The following GPR39 variants were observed in gnomAD, a reference collection of about 807,000 sequenced individuals.
GPR39 encodes the protein zinc sensing receptor.
Under a neutral mutation model 18.4 loss-of-function variants are expected in GPR39, and 23 were observed. The observed-to-expected ratio is 1.25, with a 90% CI of 0.90 to 1.77. The LOEUF (loss-of-function observed/expected upper bound fraction) is 1.77. Ranked by LOEUF, GPR39 falls within the 40% of genes most tolerant of loss-of-function variation. The probability of loss-of-function intolerance (pLI) is 0.00; values close to 1 mark genes in which losing one functional copy is unlikely to be tolerated. For synonymous variants in GPR39, 280 were observed against 257.9 expected (o/e 1.09, Z -0.82); for missense variants, 647 against 602.4 (o/e 1.07, Z -0.78).
In GPR39 at chr2:132,419,363, A is replaced by G. The variant is rs1679966731; in HGVS notation, c.856+1465A>G. 2.0e-5 allele frequency among the ~76,000 whole-genome samples: 3 copies of G among 152,256 alleles called. No individual in the cohort carries two copies. In the South Asian group the frequency reaches 6.2e-4, roughly 31 times the overall value. ...AGAATCACCTCAGTGCAGCTCAAAG[A>G]GTCCCACTGTGCTTTTCAGGGCAGA... On this transcript the variant is annotated intron_variant, in intron 1 of 1. Transcript: ENST00000329321.
At chr2:132,530,370 T>C (rs542123195) in intron 1 of GPR39, among the ~76,000 whole-genome samples, 1 of 152,298 alleles carries the variant, frequency 6.6e-6, no homozygotes, top group African/African-American at 2.4e-5. Context: ...AGACTAAATC[T>C]ACATCAGATT....
At chr2:132,468,973 G>T (rs2104781766) in intron 1 of GPR39, among the ~76,000 whole-genome samples, 1 of 152,288 alleles carries the variant, frequency 6.6e-6, no homozygotes, top group Admixed American at 6.5e-5. Flanking sequence ...AGAGAATGTT[G>T]CCCTTGAGAT....
chr2:132,630,077 C>G (rs910574516), intron 1 of GPR39, among the ~76,000 whole-genome samples: 9 of 152,100 alleles, frequency 5.9e-5, no homozygotes, highest in African/African-American at 1.7e-4. Flanking sequence ...CTACCATGAA[C>G]CAGACACTAT....
At chr2:132,494,741 CT>C (rs77379392) in intron 1 of GPR39, among the ~76,000 whole-genome samples, 18 of 152,218 alleles carry the variant, frequency 1.2e-4, no homozygotes, top group African/African-American at 4.1e-4. Flanking sequence ...TAACTTTGAG[CT>C]TTTTTTATCC....
intron 1 of GPR39, among the ~76,000 whole-genome samples, chr2:132,606,520 T>G (rs1681140321): frequency 6.6e-6 from 1 of 152,234 alleles, no homozygotes; most frequent in Admixed American, 6.5e-5. Context: ...GTAGCCCTTC[T>G]GGGCTCCAAC....
chr2:132,587,740 G>T (rs781074653), intron 1 of GPR39, among the ~76,000 whole-genome samples: 7 of 152,040 alleles, frequency 4.6e-5, no homozygotes, highest in Non-Finnish European at 7.4e-5. Context: ...TCGCCATGTT[G>T]GCCAGGCTGG....
chr2:132,551,587 C>T (rs375121079), intron 1 of GPR39, among the ~76,000 whole-genome samples: 84 of 152,306 alleles, frequency 5.5e-4, no homozygotes, highest in African/African-American at 1.9e-3. Context: ...ATTCTGTCAT[C>T]TCTTTATACC....
chr2:132,527,251 C>G (rs1412262785), intron 1 of GPR39, among the ~76,000 whole-genome samples: 2 of 152,144 alleles, frequency 1.3e-5, no homozygotes, highest in African/African-American at 2.4e-5. Context: ...TCATCCATGT[C>G]CCTGCAAAGG....
At position 132,483,933 on chromosome 2, in the gene GPR39, G is replaced by T. The variant is rs141155796; in HGVS notation, c.856+66035G>T. 5.5e-4 allele frequency among the ~76,000 whole-genome samples: 84 copies of T among 152,346 alleles called. 2 individuals are homozygous for T. Among genetic ancestry groups the T allele is most frequent in the East Asian group, 3.9e-4 (2 of 5,186 alleles). ...GCTATCCCAGGAATCCAGATAGTAT[G>T]TCAGCTTTTCTTCTGTTAGTTGGTG... On this transcript the variant is annotated intron_variant, in intron 1 of 1. Transcript: ENST00000329321.
chr2:132,551,815 CAT>C (rs1209001594), intron 1 of GPR39, among the ~76,000 whole-genome samples: 1 of 142,858 alleles, frequency 7.0e-6, no homozygotes, highest in African/African-American at 2.7e-5. Context: ...TCATAAAAGA[CAT>C]AATTTTAAAA....
At chr2:132,575,060 A>T in intron 1 of GPR39, among the ~76,000 whole-genome samples, 1 of 151,996 alleles carries the variant, frequency 6.6e-6, no homozygotes, top group East Asian at 1.9e-4. Context: ...TTCCCTTTTT[A>T]TACAAATATA....
chr2:132,439,213 C>T (rs1465601356), intron 1 of GPR39, among the ~76,000 whole-genome samples: 1 of 152,150 alleles, frequency 6.6e-6, no homozygotes, highest in South Asian at 2.1e-4. Flanking sequence ...GTGTCAAGCC[C>T]ATTGTTTATT....
intron 1 of GPR39, among the ~76,000 whole-genome samples, chr2:132,619,852 C>G (rs1019915399): frequency 7.4e-6 from 1 of 135,456 alleles, no homozygotes; most frequent in Admixed American, 7.0e-5. Flanking sequence ...CACACACACA[C>G]ACACAGACAC....
At chr2:132,458,181 T>G (rs919040916) in intron 1 of GPR39, among the ~76,000 whole-genome samples, 1 of 152,138 alleles carries the variant, frequency 6.6e-6, no homozygotes, top group African/African-American at 2.4e-5. Context: ...GGTACCTCAG[T>G]TGGAAGTGCA....
chr2:132,561,397 C>T lies in GPR39; in HGVS notation c.857-83704C>T, dbSNP rs374816381. On this transcript the variant is annotated intron_variant, in intron 1 of 1. Coordinates refer to ENST00000329321, the MANE Select transcript of GPR39 (RefSeq NM_001508.3). ...CCATCAGCCATGGTCCTGGCTCCTG[C>T]CCCCCATTAACTGCTGCCTTAGTGT... 5.9e-5 allele frequency among the ~76,000 whole-genome samples: 9 copies of T among 152,244 alleles called. No individual in the cohort carries two copies. The East Asian group carries it at 9.7e-4, about 16-fold the overall frequency.
intron 1 of GPR39, among the ~76,000 whole-genome samples, chr2:132,456,899 G>A (rs1490973201): frequency 6.6e-6 from 1 of 152,116 alleles, no homozygotes; most frequent in African/African-American, 2.4e-5. Context: ...TTTCTCTCTG[G>A]CTGCCCTTAA....
At chr2:132,477,039 C>T (rs1267795574) in intron 1 of GPR39, among the ~76,000 whole-genome samples, 1 of 152,212 alleles carries the variant, frequency 6.6e-6, no homozygotes, top group Non-Finnish European at 1.5e-5. Flanking sequence ...TCTGCCTGCT[C>T]TTCTGCCTCT....
intron 1 of GPR39, among the ~76,000 whole-genome samples, chr2:132,598,740 A>G (rs1390821929): frequency 6.6e-6 from 1 of 152,094 alleles, no homozygotes; most frequent in Non-Finnish European, 1.5e-5. Context: ...AGGCAGACTA[A>G]AATCCACACC....
At chr2:132,632,252 A>T (rs190997800) in intron 1 of GPR39, among the ~76,000 whole-genome samples, 55 of 152,294 alleles carry the variant, frequency 3.6e-4, no homozygotes, top group Admixed American at 3.3e-3. Context: ...CTAGCTTGCC[A>T]GACTCCTATT....
Sources: gnomAD v4.1 joint callset for allele counts (sites outside exome capture counted in the v4.1 genomes callset) on GRCh38, gnomAD v4.1.1 for gene constraint, MANE v1.5 for transcripts, NCBI Gene and HGNC (gene_info 2026-07-23, HGNC 2026-07-21) for gene names.